The following NACC2 variants were observed in gnomAD, a reference collection of about 807,000 sequenced individuals.
NACC2 encodes nucleus accumbens-associated protein 2.
Under a neutral mutation model 25.1 loss-of-function variants are expected in NACC2, and 8 were observed. The observed-to-expected ratio is 0.32, with a 90% confidence interval of 0.19 to 0.57. NACC2 has a LOEUF of 0.57. NACC2 is among the 20% of genes least tolerant of loss of function. NACC2 has a pLI of 0.89. For missense variants in NACC2, 644 were observed against 650.2 expected (o/e 0.99, Z 0.10); for synonymous variants, 435 against 294.7 (o/e 1.48, Z -4.88).
chr9:136,012,659 T>G lies in NACC2; in HGVS notation c.1255+540A>C, dbSNP rs539847083. Among the ~76,000 whole-genome samples, 791 of 151,474 alleles carry G rather than the reference T, an allele frequency of 5.2e-3. 7 individuals carry two copies. The highest frequency in any genetic ancestry group is 0.018 in the African/African-American group (752 of 41,410). ...CAGAATTTGCCTCACAAGGTTTTTTTTTTTTTTTTTTTTTCTTTTTTTTAG... is the reference window on the plus strand; with the variant it reads ...CAGAATTTGCCTCACAAGGTTTTTTGTTTTTTTTTTTTTTCTTTTTTTTAG... On this transcript the variant is annotated intron_variant, in intron 5 of 5. Coordinates refer to ENST00000277554, the MANE Select transcript of NACC2 (RefSeq NM_144653.5).
At chr9:136,030,418 G>T (rs1217308552) in intron 2 of NACC2, among the ~76,000 whole-genome samples, 5 of 152,032 alleles carry the variant, frequency 3.3e-5, no homozygotes, top group Non-Finnish European at 5.9e-5. Context: ...GACCATCCCG[G>T]TGAACACAGT....
chr9:136,044,856 C>T (rs953378439), intron 2 of NACC2, among the ~76,000 whole-genome samples: 21 of 152,318 alleles, frequency 1.4e-4, no homozygotes, highest in African/African-American at 5.0e-4. Flanking sequence ...CAGCCCTGGC[C>T]ACCTGGGTTC....
In NACC2 at chr9:136,013,165, G is replaced by GCCCCCCCCCCCCCAGAGACC; in HGVS notation, c.1255+33_1255+34insGGTCTCTGGGGGGGGGGGGG. ...AGGCTGGGATCTGAACCCAGCCCCG[G>GCCCCCCCCCCCCCAGAGACC]CCCCACCCACCCGAGAGACCCCCAG... is the stretch of plus-strand genomic sequence containing the variant. On this transcript the variant is annotated intron_variant, in intron 5 of 5. Coordinates refer to ENST00000277554, the MANE Select transcript of NACC2 (RefSeq NM_144653.5). The surrounding 1 kb of genome is among the most constrained non-coding windows in gnomAD (Gnocchi z 6.6). 2.8e-6 allele frequency: 2 copies of GCCCCCCCCCCCCCAGAGACC among 706,950 alleles called. No individual in the cohort carries two copies. The highest frequency in any genetic ancestry group is 5.1e-6 in the Non-Finnish European group (2 of 391,582). 43.8% of individuals were successfully genotyped at this position (706,950 alleles called of 1,614,324 possible).
At chr9:136,071,633 T>A (rs2131178760) in intron 1 of NACC2, among the ~76,000 whole-genome samples, 1 of 151,362 alleles carries the variant, frequency 6.6e-6, no homozygotes, top group East Asian at 1.9e-4. Flanking sequence ...GGCAAAGGAA[T>A]GAAAATAGCT....
chr9:136,043,733 G>C (rs1342761824), intron 2 of NACC2, among the ~76,000 whole-genome samples: 3 of 152,242 alleles, frequency 2.0e-5, no homozygotes, highest in African/African-American at 7.2e-5. Flanking sequence ...CATTCTACAG[G>C]AGGGAACTGT....
chr9:136,091,062 C>T (rs759280151), intron 1 of NACC2, among the ~76,000 whole-genome samples: 7 of 152,194 alleles, frequency 4.6e-5, no homozygotes, highest in Non-Finnish European at 7.4e-5. Flanking sequence ...TAGAGAGACC[C>T]GGAGCCAGCC....
At chr9:136,071,282 C>T (rs1841147833) in intron 1 of NACC2, among the ~76,000 whole-genome samples, 1 of 151,296 alleles carries the variant, frequency 6.6e-6, no homozygotes, top group African/African-American at 2.5e-5. Flanking sequence ...CGGTGGCTCA[C>T]GCCTATAATC....
chr9:136,050,325 G>T lies in NACC2; in HGVS notation c.197C>A (p.Ala66Asp), dbSNP rs1182640664. The T allele has an allele frequency of 1.1e-5, 8 of 739,678 alleles. No individual in the cohort carries two copies. The highest frequency in any genetic ancestry group is 9.3e-5 in the Admixed American group (5 of 53,698). 45.8% of individuals were successfully genotyped at this position (739,678 alleles called of 1,614,324 possible). Residue 66 changes from alanine (A) to aspartate (D), a missense_variant, in exon 2 of 6, where the codon GCC becomes GAC. Transcript: ENST00000277554. ...CGGCACGGAGCCGGGCAGCTCGAAG[G>T]CGCTCTTGCTGTTGCCGCTGAACAG... ...RDLFSGNSKSAFELPGSVPPA... is the reference protein window; with the variant it reads ...RDLFSGNSKSDFELPGSVPPA...
At position 136,056,341 on chromosome 9, in the gene NACC2, C is replaced by A. The variant is rs560799853; in HGVS notation, c.-59-5761G>T. Among the ~76,000 whole-genome samples the A allele has an allele frequency of 6.6e-5, 10 of 152,234 alleles. 1 individual carries two copies. Among genetic ancestry groups the A allele is most frequent in the African/African-American group, 2.4e-4 (10 of 41,542 alleles). ...GGGCCCTCGGCGGCCAGGAACTCCC[C>A]CCAACCCCGAGGCCCCCACAAAAGC... On this transcript the variant is annotated intron_variant, in intron 1 of 5. Coordinates refer to ENST00000277554, the MANE Select transcript of NACC2 (RefSeq NM_144653.5).
chr9:136,041,118 A>AAGGAAGGAAAGG (rs1445221923), intron 2 of NACC2, among the ~76,000 whole-genome samples: 1 of 151,874 alleles, frequency 6.6e-6, no homozygotes, highest in Non-Finnish European at 1.5e-5. Flanking sequence ...GAAGGAAAGG[A>AAGGAAGGAAAGG]AGGAAGCAAG....
chr9:136,049,573 C>T (rs1840783420), intron 2 of NACC2, 63 bp downstream of exon 2: 1 of 722,350 alleles, frequency 1.4e-6, no homozygotes, highest in East Asian at 2.5e-5. Flanking sequence ...CCTGAGCCAC[C>T]CGGGTCCCAG....
intron 1 of NACC2, among the ~76,000 whole-genome samples, chr9:136,052,729 C>T (rs1390474718): frequency 1.3e-5 from 2 of 152,236 alleles, no homozygotes; most frequent in African/African-American, 4.8e-5. Flanking sequence ...TGAGAGGTCC[C>T]AGCAGAGGGC....
In NACC2 at chr9:136,055,757, G is replaced by A. The variant is rs1840914611; in HGVS notation, c.-59-5177C>T. 6.6e-6 allele frequency among the ~76,000 whole-genome samples: 1 copy of A among 152,122 alleles called. No homozygotes were observed. Among genetic ancestry groups the A allele is most frequent in the Admixed American group, 6.5e-5 (1 of 15,278 alleles). On this transcript the variant is annotated intron_variant, in intron 1 of 5. Coordinates refer to ENST00000277554, the MANE Select transcript of NACC2 (RefSeq NM_144653.5). The surrounding 1 kb of genome is among the most constrained non-coding windows in gnomAD (Gnocchi z 4.9). ...AAACACGTGGTAGAGGAAGGAGAGAGGCGGGGCACGGGAAACGTTCTGCGG... is the reference window on the plus strand; with the variant it reads ...AAACACGTGGTAGAGGAAGGAGAGAAGCGGGGCACGGGAAACGTTCTGCGG...
At position 136,019,301 on chromosome 9, in the gene NACC2, G is replaced by GT. The variant is rs1840252725; in HGVS notation, c.887-2873dup. 6.6e-6 allele frequency: 1 copy of GT among 152,282 alleles called. No individual in the cohort carries two copies. Among genetic ancestry groups the GT allele is most frequent in the African/African-American group, 2.4e-5 (1 of 41,468 alleles). 9.4% of individuals were successfully genotyped at this position (152,282 alleles called of 1,614,324 possible). ...CCCGGAAGGGCCATTCAGAGGCCCC[G>GT]TGAGTCGGGGCCAGAGCTGGGTTCC... On this transcript the variant is annotated intron_variant, in intron 2 of 5. Transcript: ENST00000277554. The surrounding 1 kb of genome is among the most constrained non-coding windows in gnomAD (Gnocchi z 5.2).
chr9:136,064,880 C>G (rs1002174476), intron 1 of NACC2, among the ~76,000 whole-genome samples: 3 of 152,170 alleles, frequency 2.0e-5, no homozygotes, highest in Non-Finnish European at 4.4e-5. Context: ...ATCAATGGAA[C>G]AGATGAGTCT....
chr9:136,075,635 C>T (rs760870290), intron 1 of NACC2, among the ~76,000 whole-genome samples: 22 of 152,240 alleles, frequency 1.4e-4, no homozygotes, highest in Non-Finnish European at 1.6e-4. Flanking sequence ...GCAGAGCCTG[C>T]AGGGCCCCCT....
intron 1 of NACC2, among the ~76,000 whole-genome samples, chr9:136,090,987 G>A (rs180923615): frequency 1.8e-4 from 28 of 152,286 alleles, no homozygotes; most frequent in Admixed American, 9.8e-4. Context: ...AGGAGCTCGC[G>A]GCCGCCCATG....
Position 136,080,100 on chromosome 9 carries a change from G to A in NACC2, c.-60+15089C>T, listed in dbSNP as rs192196036. ...GAGACACACAGTCCCTACCCCGGGC[G>A]TGGCTGCCAGCCAAAGCCCATGCCA... On this transcript the variant is annotated intron_variant, in intron 1 of 5. Transcript: ENST00000277554. Among the ~76,000 whole-genome samples, 264 of 152,332 alleles carry A rather than the reference G, an allele frequency of 1.7e-3. 1 individual carries two copies. The highest frequency in any genetic ancestry group is 2.9e-3 in the Non-Finnish European group (195 of 68,014).
intron 2 of NACC2, among the ~76,000 whole-genome samples, chr9:136,031,875 C>T (rs1271087018): frequency 2.0e-5 from 3 of 152,214 alleles, no homozygotes; most frequent in Non-Finnish European, 4.4e-5. Context: ...GCTCTGCATT[C>T]CCACCTCCTC....
Sources: gnomAD v4.1 joint callset for allele counts (sites outside exome capture counted in the v4.1 genomes callset) on GRCh38, gnomAD v4.1.1 for gene constraint, Gnocchi (gnomAD v3.1) non-coding constraint, MANE v1.5 for transcripts, NCBI Gene and HGNC (gene_info 2026-07-23, HGNC 2026-07-21) for gene names.